The following ACAN variants were observed in gnomAD, a reference collection of about 807,000 sequenced individuals.
ACAN encodes aggrecan core protein.
In ACAN, 47 loss-of-function variants were observed where a neutral mutation model predicts 169.1. That is an observed-to-expected ratio of 0.28 (90% CI 0.22 to 0.35). The LOEUF is 0.35. Among genes scored for constraint, ACAN ranks in the 10% least tolerant of loss-of-function variants. The pLI is 1.00. For synonymous variants in ACAN, 1,115 were observed against 1,112.2 expected (o/e 1.00, Z -0.05); for missense variants, 2,716 against 2,759.9 (o/e 0.98, Z 0.36).
At chr15:88,820,556 C>T (rs1184627710) in intron 1 of ACAN, among the ~76,000 whole-genome samples, 2 of 152,158 alleles carry the variant, frequency 1.3e-5, no homozygotes, top group Non-Finnish European at 2.9e-5. Flanking sequence ...TTTCTCCCTG[C>T]CTTGTGTGTT....
rs1442060971 is a variant in ACAN at position 88,871,949 on chromosome 15, C to G, written c.7220-54C>G. The G allele has an allele frequency of 2.0e-6, 3 of 1,488,358 alleles. No homozygotes were observed. The highest frequency in any genetic ancestry group is 9.4e-7 in the Non-Finnish European group (1 of 1,064,652). 92.2% of individuals were successfully genotyped at this position (1,488,358 alleles called of 1,614,324 possible). A position where few individuals can be genotyped will look rare whatever the true frequency, so the allele number is the denominator to read the frequency against. On this transcript the variant is annotated intron_variant, in intron 15 of 18. Coordinates refer to ENST00000560601, the MANE Select transcript of ACAN (RefSeq NM_001369268.1). The surrounding 1 kb of genome is among the most constrained non-coding windows in gnomAD (Gnocchi z 7.8). ...TCTGCCTCCGTGAGCTCAAGTTTCTCAGACACCCTCAGGGTGTCCAGTGTG... is the reference window on the plus strand; with the variant it reads ...TCTGCCTCCGTGAGCTCAAGTTTCTGAGACACCCTCAGGGTGTCCAGTGTG...
intron 1 of ACAN, among the ~76,000 whole-genome samples, chr15:88,818,915 G>A (rs1004885653): frequency 6.6e-6 from 1 of 152,196 alleles, no homozygotes. Flanking sequence ...TAAATTTTAT[G>A]TTATGTATAT....
At chr15:88,824,185 G>A (rs547896411) in intron 1 of ACAN, among the ~76,000 whole-genome samples, 17 of 152,144 alleles carry the variant, frequency 1.1e-4, no homozygotes, top group South Asian at 6.2e-4. Context: ...TTAGCCAGGC[G>A]TGGTGGCGGG....
chr15:88,836,625 C>A (rs891774969), intron 2 of ACAN, among the ~76,000 whole-genome samples: 1 of 152,186 alleles, frequency 6.6e-6, no homozygotes. Context: ...ATAGACAAAC[C>A]AGTGGAGAAA....
intron 1 of ACAN, among the ~76,000 whole-genome samples, chr15:88,828,365 C>T (rs958025292): frequency 8.5e-5 from 13 of 152,068 alleles, no homozygotes; most frequent in Admixed American, 1.3e-4. Context: ...TGACACTCTC[C>T]GTGGTGTCAT....
At chr15:88,815,208 G>T (rs1895909204) in intron 1 of ACAN, among the ~76,000 whole-genome samples, 2 of 152,188 alleles carry the variant, frequency 1.3e-5, no homozygotes, top group Admixed American at 1.3e-4. Context: ...GGGAGGTCCT[G>T]TGGTAGCTTG....
chr15:88,833,672 A>T (rs1896421900), intron 1 of ACAN, among the ~76,000 whole-genome samples: 1 of 144,294 alleles, frequency 6.9e-6, no homozygotes, highest in African/African-American at 2.5e-5. Context: ...GTTTGTCTTT[A>T]AAAAAAAAAA....
chr15:88,852,036 T>C lies in ACAN; in HGVS notation c.2266+3T>C, dbSNP rs770809245. The C allele has an allele frequency of 1.3e-6, 2 of 1,589,308 alleles. No homozygotes were observed. Among genetic ancestry groups the C allele is most frequent in the African/African-American group, 2.7e-5 (2 of 74,264 alleles). The stretch of plus-strand genomic sequence containing the variant: ...AGTGGGCACATCCCCGCTGCCAGGT[T>C]GGTATGGCTTGGGTTCTGGGGCACA... On this transcript the variant is annotated splice_donor_region_variant and intron_variant, in intron 11 of 18. Transcript: ENST00000560601.
intron 1 of ACAN, among the ~76,000 whole-genome samples, chr15:88,827,553 A>G (rs975606008): frequency 1.3e-5 from 2 of 152,186 alleles, no homozygotes; most frequent in African/African-American, 2.4e-5. Flanking sequence ...TGCAAATTGC[A>G]TGTGAGTGGC....
Position 88,859,375 on chromosome 15 carries a change from G to C in ACAN, c.6790G>C (p.Ala2264Pro). 1 of 1,576,270 alleles carries C rather than the reference G, an allele frequency of 6.3e-7. No homozygotes were observed. Among genetic ancestry groups the C allele is most frequent in the African/African-American group, 1.4e-5 (1 of 74,052 alleles). The change falls in exon 12 of 19, where the codon GCT (alanine) becomes CCT (proline). Residue 2264 changes from alanine to proline, a missense_variant. Ala to Pro is a conservative substitution (Grantham distance 27). Transcript: ENST00000560601. Reference sequence around the variant, plus strand: ...CTCCCCAACAGATGCTTCCATCCCAGCTTCTCCGGAATGGAAACGTGAATC... The same window carrying C: ...CTCCCCAACAGATGCTTCCATCCCACCTTCTCCGGAATGGAAACGTGAATC... ...ATSPTDASIP[A>P]SPEWKRESES... is the part of the protein sequence containing the mutation.
chr15:88,858,148 C>T lies in ACAN; in HGVS notation c.5563C>T (p.Leu1855Phe), dbSNP rs74505897. Residue 1855 changes from leucine (L) to phenylalanine (F), a missense_variant, in exon 12 of 19, where the codon CTC becomes TTC. By Grantham distance (22) the Leu-to-Phe change is conservative (BLOSUM62 0). Transcript: ENST00000560601. The surrounding 1 kb of genome is among the most constrained non-coding windows in gnomAD (Gnocchi z 4.0). ...AGAAGAAGGCTTAGGGTCTGTGGAACTCAGTGGCCTCCCTTCCGGAGAGGC... is the reference window on the plus strand; with the variant it reads ...AGAAGAAGGCTTAGGGTCTGTGGAATTCAGTGGCCTCCCTTCCGGAGAGGC... ...KEEEGLGSVE[L>F]SGLPSGEADL... is the part of the protein sequence containing the mutation. The T allele has an allele frequency of 2.4e-3, 3,932 of 1,613,940 alleles. 111 individuals carry two copies. The East Asian group carries it at 0.064, about 26-fold the overall frequency.
At chr15:88,820,724 G>A (rs181321603) in intron 1 of ACAN, among the ~76,000 whole-genome samples, 23 of 152,138 alleles carry the variant, frequency 1.5e-4, no homozygotes, top group East Asian at 3.9e-4. Flanking sequence ...CCCAGAGCCC[G>A]CTCTCTCTGC....
At chr15:88,824,109 G>C (rs7165121) in intron 1 of ACAN, among the ~76,000 whole-genome samples, 1 of 152,184 alleles carries the variant, frequency 6.6e-6, no homozygotes, top group Non-Finnish European at 1.5e-5. Flanking sequence ...CAGACCACGA[G>C]ATCAGGAGAT....
chr15:88,846,900 G>A (rs61448397), intron 7 of ACAN, among the ~76,000 whole-genome samples: 4,153 of 152,306 alleles, frequency 0.027, 197 homozygotes, highest in African/African-American at 0.095. Flanking sequence ...TCCAACTCCT[G>A]TTCTAAGATG....
chr15:88,838,543 A>G lies in ACAN; in HGVS notation c.71-120A>G, dbSNP rs1021579632. ...GGGAGCATCCCCATCATAGAGACAG[A>G]CACACTCATCGGATTTCGCTCTCTC... On this transcript the variant is annotated intron_variant, in intron 2 of 18. Coordinates refer to ENST00000560601, the MANE Select transcript of ACAN (RefSeq NM_001369268.1). This position sits in a 1 kb window ranked among gnomAD's most constrained non-coding sequence, Gnocchi z 5.1. 1 of 1,222,412 alleles carries G rather than the reference A, an allele frequency of 8.2e-7. No individual in the cohort carries two copies. The highest frequency in any genetic ancestry group is 1.1e-6 in the Non-Finnish European group (1 of 871,686). 75.7% of individuals were successfully genotyped at this position (1,222,412 alleles called of 1,614,324 possible).
At position 88,857,423 on chromosome 15, in the gene ACAN, C is replaced by G; in HGVS notation, c.4838C>G (p.Thr1613Ser). ...DLDLGKLPSG[T>S]LGSGQAPETS... Reference sequence around the variant, plus strand: ...GACTTGGGCAAACTGCCTTCTGGAACTCTAGGAAGTGGGCAAGCTCCAGAA... The same window carrying G: ...GACTTGGGCAAACTGCCTTCTGGAAGTCTAGGAAGTGGGCAAGCTCCAGAA... Residue 1613 changes from threonine to serine, a missense_variant, in exon 12 of 19, where the codon ACT becomes AGT. Around this residue, in one of 3 missense-constraint regions of ACAN, gnomAD observed 1,389 missense variants for 1,363.7 expected, o/e 1.02. Transcript: ENST00000560601. The G allele has an allele frequency of 6.2e-7, 1 of 1,613,872 alleles. No individual in the cohort carries two copies. The highest frequency in any genetic ancestry group is 8.5e-7 in the Non-Finnish European group (1 of 1,179,900).
At chr15:88,840,708 C>G (rs917827529) in intron 4 of ACAN, among the ~76,000 whole-genome samples, 1 of 150,168 alleles carries the variant, frequency 6.7e-6, no homozygotes, top group South Asian at 2.1e-4. Context: ...CAGCCAAAAA[C>G]ACAAAGCCTC....
rs1213329401 is a variant in ACAN, at chr15:88,808,317, T to A, written c.-8+4508T>A. ...AGGTTGGTAAGAATCTGGACTGGGA[T>A]CTAGACCTTCAGGTTCTCATCACAG... On this transcript the variant is annotated intron_variant, in intron 1 of 18. Coordinates refer to ENST00000560601, the MANE Select transcript of ACAN (RefSeq NM_001369268.1). Among the ~76,000 whole-genome samples, 5 of 152,218 alleles carry A rather than the reference T, an allele frequency of 3.3e-5. No individual in the cohort carries two copies. In the East Asian group the frequency reaches 9.6e-4, roughly 29 times the overall value.
In ACAN at chr15:88,838,547, A is replaced by T; in HGVS notation, c.71-116A>T. On this transcript the variant is annotated intron_variant, in intron 2 of 18. Coordinates refer to ENST00000560601, the MANE Select transcript of ACAN (RefSeq NM_001369268.1). The surrounding 1 kb of genome is among the most constrained non-coding windows in gnomAD (Gnocchi z 5.1). Reference sequence around the variant, plus strand: ...GCATCCCCATCATAGAGACAGACACACTCATCGGATTTCGCTCTCTCAGGA... The same window carrying T: ...GCATCCCCATCATAGAGACAGACACTCTCATCGGATTTCGCTCTCTCAGGA... 8.0e-7 allele frequency: 1 copy of T among 1,252,690 alleles called. No individual in the cohort carries two copies. The highest frequency in any genetic ancestry group is 1.1e-6 in the Non-Finnish European group (1 of 898,372). 77.6% of individuals were successfully genotyped at this position (1,252,690 alleles called of 1,614,324 possible).
Sources: gnomAD v4.1 joint callset for allele counts (sites outside exome capture counted in the v4.1 genomes callset) on GRCh38, gnomAD v4.1.1 for gene constraint, gnomAD v4.1.1 regional missense constraint, Gnocchi (gnomAD v3.1) non-coding constraint, MANE v1.5 for transcripts, NCBI Gene and HGNC (gene_info 2026-07-23, HGNC 2026-07-21) for gene names.